RMST: variants seen among roughly 807,000 people sequenced by gnomAD.
RMST encodes long intergenic non-protein coding RNA 54.
At chr12:97,542,778 T>G (rs947470551) in intron 11 of RMST, among the ~76,000 whole-genome samples, 1 of 151,982 alleles carries the variant, frequency 6.6e-6, no homozygotes, top group Admixed American at 6.6e-5. Flanking sequence ...TCAGGGTTCT[T>G]ACATCCAGAA....
chr12:97,541,770 A>C (rs183670374), intron 11 of RMST, among the ~76,000 whole-genome samples: 123 of 151,590 alleles, frequency 8.1e-4, no homozygotes, highest in African/African-American at 2.1e-3. Context: ...TTTCCTTTTT[A>C]TAAGTTTTAT....
intron 11 of RMST, among the ~76,000 whole-genome samples, chr12:97,534,076 T>A (rs2136599976): frequency 6.6e-6 from 1 of 151,898 alleles, no homozygotes; most frequent in East Asian, 1.9e-4. Context: ...TTAACTAAGA[T>A]CTGTTTGCTG....
At chr12:97,548,647 G>A (rs1221817621) in intron 11 of RMST, among the ~76,000 whole-genome samples, 4 of 151,832 alleles carry the variant, frequency 2.6e-5, no homozygotes, top group African/African-American at 7.3e-5. Flanking sequence ...TTCTTTTTCA[G>A]ATAGTTTATT....
At chr12:97,547,075 A>G (rs1211781846) in intron 11 of RMST, among the ~76,000 whole-genome samples, 3 of 151,556 alleles carry the variant, frequency 2.0e-5, no homozygotes, top group Non-Finnish European at 4.4e-5. Flanking sequence ...GGCTTATTTC[A>G]CTTATTTCAT....
intron 13 of RMST, among the ~76,000 whole-genome samples, chr12:97,562,083 C>T (rs1884156829): frequency 6.6e-6 from 1 of 152,052 alleles, no homozygotes. Context: ...TCTAGTTTCC[C>T]ACATAACAGT....
chr12:97,463,187 T>G (rs907189901), exon 4 of RMST: 4 of 152,242 alleles, frequency 2.6e-5, no homozygotes, highest in African/African-American at 9.7e-5. Context: ...CAGCTGTAAC[T>G]GAGGCACAGA....
At chr12:97,521,948 T>A (rs1055495124) in intron 10 of RMST, among the ~76,000 whole-genome samples, 20 of 152,206 alleles carry the variant, frequency 1.3e-4, no homozygotes, top group African/African-American at 4.6e-4. Context: ...TTTGTTTTAG[T>A]TTCTTATCTC....
At chr12:97,535,074 G>C (rs1359425077) in intron 11 of RMST, among the ~76,000 whole-genome samples, 1 of 151,586 alleles carries the variant, frequency 6.6e-6, no homozygotes, top group East Asian at 1.9e-4. Flanking sequence ...AATTTTTCAA[G>C]ATTATCCTCT....
chr12:97,489,275 A>T (rs1414986110), intron 5 of RMST, among the ~76,000 whole-genome samples: 1 of 152,000 alleles, frequency 6.6e-6, no homozygotes, highest in African/African-American at 2.4e-5. Context: ...GCGAGACCTC[A>T]TCTCTACTAA....
intron 5 of RMST, among the ~76,000 whole-genome samples, chr12:97,482,602 AATTT>A (rs201048730): frequency 0.014 from 2,014 of 146,956 alleles, 51 homozygotes; most frequent in African/African-American, 0.046. Flanking sequence ...AAGATTTTAA[AATTT>A]ATTTATTATT....
At chr12:97,480,802 A>C (rs974343545) in intron 5 of RMST, among the ~76,000 whole-genome samples, 2 of 151,730 alleles carry the variant, frequency 1.3e-5, no homozygotes, top group Non-Finnish European at 2.9e-5. Context: ...GTCTCTTCTC[A>C]CTCTTCTTTC....
At chr12:97,512,339 G>C (rs1047091105) in intron 10 of RMST, among the ~76,000 whole-genome samples, 2 of 152,306 alleles carry the variant, frequency 1.3e-5, no homozygotes, top group African/African-American at 4.8e-5. Flanking sequence ...TGCAAAGAGA[G>C]AAAGAACAAA....
chr12:97,562,395 G>T (rs1884181936), intron 13 of RMST, among the ~76,000 whole-genome samples: 1 of 152,106 alleles, frequency 6.6e-6, no homozygotes, highest in African/African-American at 2.4e-5. Flanking sequence ...ATTTTCAAAG[G>T]GAAAATGGTA....
intron 10 of RMST, among the ~76,000 whole-genome samples, chr12:97,513,433 A>T (rs1391627158): frequency 6.6e-6 from 1 of 152,132 alleles, no homozygotes; most frequent in Non-Finnish European, 1.5e-5. Context: ...TTATTCCTAC[A>T]CTCATTTCTA....
At chr12:97,546,455 A>G (rs894238663) in intron 11 of RMST, among the ~76,000 whole-genome samples, 8 of 151,976 alleles carry the variant, frequency 5.3e-5, no homozygotes, top group African/African-American at 1.4e-4. Flanking sequence ...GGTAGCACAC[A>G]CTTCTAATCC....
chr12:97,476,580 C>A (rs1159051419), intron 5 of RMST, among the ~76,000 whole-genome samples: 3 of 152,198 alleles, frequency 2.0e-5, no homozygotes, highest in African/African-American at 7.2e-5. Context: ...TTAGTGCTAT[C>A]AAGGCCCACT....
At chr12:97,558,245 T>C (rs1306155968) in intron 11 of RMST, among the ~76,000 whole-genome samples, 1 of 152,190 alleles carries the variant, frequency 6.6e-6, no homozygotes, top group African/African-American at 2.4e-5. Context: ...GAGTTGCTCT[T>C]AGTAGAGCTA....
intron 10 of RMST, among the ~76,000 whole-genome samples, chr12:97,513,293 T>C (rs1472728898): frequency 6.6e-6 from 1 of 152,224 alleles, no homozygotes; most frequent in Non-Finnish European, 1.5e-5. Flanking sequence ...CAGCATGCTG[T>C]CACCTCTCAG....
chr12:97,463,806 T>C (rs942347769), intron 4 of RMST, among the ~76,000 whole-genome samples: 9 of 152,138 alleles, frequency 5.9e-5, no homozygotes, highest in African/African-American at 2.2e-4. Flanking sequence ...ATTTGGAACA[T>C]ACTCCATTTG....
Sources: gnomAD v4.1 joint callset for allele counts (sites outside exome capture counted in the v4.1 genomes callset) on GRCh38, gnomAD v4.1.1 for gene constraint, MANE v1.5 for transcripts, NCBI Gene and HGNC (gene_info 2026-07-23, HGNC 2026-07-21) for gene names.